The following MTOR variants were observed in gnomAD, a reference collection of about 807,000 sequenced individuals.
MTOR encodes the protein serine/threonine-protein kinase mTOR.
MTOR carries 70 observed loss-of-function variants against 319.8 expected under a neutral mutation model. The observed-to-expected ratio is 0.22, with a 90% CI of 0.18 to 0.27. The LOEUF (loss-of-function observed/expected upper bound fraction) is 0.27, where lower values mean the gene tolerates loss of function less well. Ranked by LOEUF, MTOR falls within the 10% of genes least tolerant of loss-of-function variation. The pLI is 1.00. For missense variants in MTOR, 1,890 were observed against 3,274.4 expected (o/e 0.58, Z 10.32); for synonymous variants, 1,183 against 1,211.4 (o/e 0.98, Z 0.49).
At chr1:11,143,253 T>C (rs753398939) in intron 34 of MTOR, among the ~76,000 whole-genome samples, 1 of 152,200 alleles carries the variant, frequency 6.6e-6, no homozygotes, top group African/African-American at 2.4e-5. Flanking sequence ...AGGCTTAAGG[T>C]GGTGGCAGTG....
At chr1:11,232,562 T>A (rs1442450079) in intron 15 of MTOR, 34 bp from the exon 16 acceptor site, 1 of 1,579,450 alleles carries the variant, frequency 6.3e-7, no homozygotes, top group East Asian at 2.2e-5. Flanking sequence ...CAGAAAGGGT[T>A]AGAAATTCTG....
intron 36 of MTOR, among the ~76,000 whole-genome samples, chr1:11,136,804 T>C (rs1364019739): frequency 6.6e-6 from 1 of 151,448 alleles, no homozygotes; most frequent in African/African-American, 2.4e-5. Context: ...TTTAGTTTTT[T>C]TTTTTTCTAG....
At chr1:11,196,483 T>C (rs28990670) in intron 28 of MTOR, among the ~76,000 whole-genome samples, 141 of 152,240 alleles carry the variant, frequency 9.3e-4, no homozygotes, top group African/African-American at 3.2e-3. Flanking sequence ...AAAAAGTCAA[T>C]AGGTTGCAAG....
chr1:11,153,287 A>G (rs551427056), intron 30 of MTOR, among the ~76,000 whole-genome samples: 17 of 152,354 alleles, frequency 1.1e-4, no homozygotes, highest in Non-Finnish European at 1.3e-4. Context: ...CAAAGAATGG[A>G]ACGAATGAAT....
In MTOR at chr1:11,134,589, G is replaced by A. The variant is rs531582811; in HGVS notation, c.5131-123C>T. On this transcript the variant is annotated intron_variant, in intron 36 of 57. Coordinates refer to ENST00000361445, the MANE Select transcript of MTOR (RefSeq NM_004958.4). ...TCCAAACAGAATACCCTAGAGCACA[G>A]AATGATGACCCCATAGGACAGAGGA... The A allele has an allele frequency of 1.6e-4, 117 of 737,628 alleles. No homozygotes were observed. The South Asian group carries it at 1.8e-3, about 11-fold the overall frequency. The allele number at this position is 737,628 out of a possible 1,614,324, so 45.7% of individuals were successfully genotyped here.
At chr1:11,234,621 A>C (rs758386337) in intron 13 of MTOR, among the ~76,000 whole-genome samples, 13 of 152,244 alleles carry the variant, frequency 8.5e-5, no homozygotes, top group Non-Finnish European at 1.6e-4. Context: ...AAAATGAGGA[A>C]AGAAGGTAGG....
intron 8 of MTOR, among the ~76,000 whole-genome samples, chr1:11,244,684 C>T (rs574594526): frequency 6.6e-6 from 1 of 152,288 alleles, no homozygotes; most frequent in African/African-American, 2.4e-5. Context: ...CACTTAACAA[C>T]GTTTGGGTTA....
At chr1:11,162,724 A>C (rs1338303735) in intron 29 of MTOR, among the ~76,000 whole-genome samples, 1 of 152,156 alleles carries the variant, frequency 6.6e-6, no homozygotes, top group Non-Finnish European at 1.5e-5. Flanking sequence ...CTTTACAGAC[A>C]AGCAAATGCT....
chr1:11,122,833 G>A (rs548621239), intron 47 of MTOR, among the ~76,000 whole-genome samples: 8 of 152,172 alleles, frequency 5.3e-5, no homozygotes, highest in African/African-American at 1.9e-4. Context: ...ATGAGCCCCC[G>A]CCGCAGCAGG....
intron 28 of MTOR, among the ~76,000 whole-genome samples, chr1:11,170,573 A>T (rs1193437750): frequency 6.6e-6 from 1 of 151,796 alleles, no homozygotes; most frequent in Admixed American, 6.6e-5. Flanking sequence ...TAATAATAAA[A>T]AAAAAGAAAG....
intron 34 of MTOR, among the ~76,000 whole-genome samples, chr1:11,142,867 T>C (rs1017318477): frequency 7.2e-5 from 11 of 152,192 alleles, no homozygotes; most frequent in East Asian, 1.9e-4. Flanking sequence ...ACCAAAAGCA[T>C]TGGTGCAACT....
intron 28 of MTOR, among the ~76,000 whole-genome samples, chr1:11,192,853 A>G (rs1645600429): frequency 6.6e-6 from 1 of 152,122 alleles, no homozygotes; most frequent in African/African-American, 2.4e-5. Flanking sequence ...AAACCCAGGC[A>G]TCTGTTTGGC....
At chr1:11,216,280 G>A in intron 19 of MTOR, 46 bp from the exon 20 acceptor site, 1 of 1,455,132 alleles carries the variant, frequency 6.9e-7, no homozygotes, top group Non-Finnish European at 9.6e-7. Flanking sequence ...GAAGGACATT[G>A]AACCCCCAGG....
rs2100423753 is a variant in MTOR, at chr1:11,129,780, G to A, written c.5672C>T (p.Ser1891Phe). 6.2e-7 allele frequency: 1 copy of A among 1,614,214 alleles called. No individual in the cohort carries two copies. Among genetic ancestry groups the A allele is most frequent in the Non-Finnish European group, 8.5e-7 (1 of 1,180,026 alleles). ...TVPAVQGFFR[S>F]ISLSRGNNLQ... is the part of the protein sequence containing the mutation. Reference sequence around the variant, plus strand: ...GTTGTTGCCTCGTGACAAGGAGATGGAACGGAAGAAGCCCTGGACGGCAGG... The same window carrying A: ...GTTGTTGCCTCGTGACAAGGAGATGAAACGGAAGAAGCCCTGGACGGCAGG... Residue 1891 changes from serine (S) to phenylalanine (F), a missense_variant, in exon 40 of 58, where the codon TCC becomes TTC. Physicochemically the swap from Ser to Phe is radical, Grantham distance 155 (BLOSUM62 -2). This residue lies in a region of MTOR where 249 missense variants were observed against 596.2 expected (regional missense o/e 0.42). Coordinates refer to ENST00000361445, the MANE Select transcript of MTOR (RefSeq NM_004958.4). The surrounding 1 kb of genome is among the most constrained non-coding windows in gnomAD (Gnocchi z 4.7).
At chr1:11,135,286 A>G (rs766697291) in intron 36 of MTOR, among the ~76,000 whole-genome samples, 1 of 152,190 alleles carries the variant, frequency 6.6e-6, no homozygotes, top group African/African-American at 2.4e-5. Flanking sequence ...GAGGGGGGAA[A>G]ACCCACAAAT....
intron 46 of MTOR, among the ~76,000 whole-genome samples, chr1:11,125,351 T>TCATG (rs1355144311): frequency 1.6e-4 from 25 of 152,334 alleles, no homozygotes; most frequent in Admixed American, 3.9e-4. Flanking sequence ...AGACAACAGC[T>TCATG]CATGCAGAGA....
At chr1:11,237,312 C>T (rs757276271) in intron 13 of MTOR, among the ~76,000 whole-genome samples, 1 of 152,136 alleles carries the variant, frequency 6.6e-6, no homozygotes, top group Non-Finnish European at 1.5e-5. Flanking sequence ...CTACCTTACG[C>T]TACAGACCAA....
chr1:11,196,495 C>T (rs998017090), intron 28 of MTOR, among the ~76,000 whole-genome samples: 1 of 152,116 alleles, frequency 6.6e-6, no homozygotes, highest in Admixed American at 6.5e-5. Context: ...GGTTGCAAGA[C>T]GGATTGAACT....
At chr1:11,176,762 C>T (rs897161030) in intron 28 of MTOR, among the ~76,000 whole-genome samples, 5 of 152,180 alleles carry the variant, frequency 3.3e-5, no homozygotes, top group Non-Finnish European at 7.3e-5. Flanking sequence ...GTCACTTCTC[C>T]CAGCACTGAG....
Sources: gnomAD v4.1 joint callset for allele counts (sites outside exome capture counted in the v4.1 genomes callset) on GRCh38, gnomAD v4.1.1 for gene constraint, gnomAD v4.1.1 regional missense constraint, Gnocchi (gnomAD v3.1) non-coding constraint, MANE v1.5 for transcripts, NCBI Gene and HGNC (gene_info 2026-07-23, HGNC 2026-07-21) for gene names.